Variants in RPTOR observed in about 807,000 individuals in gnomAD.
RPTOR encodes the protein regulatory-associated protein of mTOR.
RPTOR carries 21 observed loss-of-function variants against 169.9 expected under a neutral mutation model. The observed-to-expected ratio is 0.12, with a 90% CI of 0.09 to 0.18. The LOEUF (loss-of-function observed/expected upper bound fraction) is 0.18. Among genes scored for constraint, RPTOR ranks in the 10% least tolerant of loss-of-function variants. The pLI is 1.00. For synonymous variants in RPTOR, 732 were observed against 753.2 expected (o/e 0.97, Z 0.46); for missense variants, 1,133 against 1,855.9 (o/e 0.61, Z 7.16).
At chr17:80,741,240 T>G (rs564798339) in intron 5 of RPTOR, among the ~76,000 whole-genome samples, 11 of 152,276 alleles carry the variant, frequency 7.2e-5, no homozygotes, top group Non-Finnish European at 1.0e-4. Context: ...CTGGCTTGGC[T>G]AATGAGCAGA....
At chr17:80,608,118 A>G (rs961927534) in intron 1 of RPTOR, among the ~76,000 whole-genome samples, 1 of 152,204 alleles carries the variant, frequency 6.6e-6, no homozygotes, top group African/African-American at 2.4e-5. Context: ...TTTGATTTTG[A>G]GAGTGATAGA....
At chr17:80,604,713 C>T (rs1263071187) in intron 1 of RPTOR, among the ~76,000 whole-genome samples, 1 of 152,180 alleles carries the variant, frequency 6.6e-6, no homozygotes, top group African/African-American at 2.4e-5. Context: ...AGTCGCGTCT[C>T]ACATGGTGGC....
intron 7 of RPTOR, among the ~76,000 whole-genome samples, chr17:80,794,856 C>T (rs923890869): frequency 6.6e-6 from 1 of 152,094 alleles, no homozygotes; most frequent in African/African-American, 2.4e-5. Flanking sequence ...CTGGGAAAGA[C>T]AGAACATGGG....
intron 20 of RPTOR, among the ~76,000 whole-genome samples, chr17:80,908,093 C>T (rs931046029): frequency 2.0e-5 from 3 of 151,302 alleles, no homozygotes; most frequent in African/African-American, 7.3e-5. Flanking sequence ...ACCGAGCAGC[C>T]GCACCGACGA....
chr17:80,634,506 ACTGTGTGTGTGTGCG>A (rs2065478747), intron 2 of RPTOR, among the ~76,000 whole-genome samples: 1 of 102,900 alleles, frequency 9.7e-6, no homozygotes, highest in African/African-American at 4.5e-5. Context: ...GTGTGTGCAT[ACTGTGTGTGTGTGCG>A]TACTGTGTGC....
At chr17:80,597,816 G>GTT (rs35356192) in intron 1 of RPTOR, among the ~76,000 whole-genome samples, 1 of 151,210 alleles carries the variant, frequency 6.6e-6, no homozygotes, top group Non-Finnish European at 1.5e-5. Flanking sequence ...GCCTGGCCAT[G>GTT]TTTTTTTTGT....
At position 80,883,967 on chromosome 17, in the gene RPTOR, C is replaced by T. The variant is rs372325672; in HGVS notation, c.1837C>T (p.Pro613Ser). The T allele has an allele frequency of 4.4e-6, 7 of 1,607,930 alleles. No homozygotes were observed. The highest frequency in any genetic ancestry group is 1.3e-5 in the African/African-American group (1 of 74,980). Residue 613 changes from proline to serine, a missense_variant, in exon 16 of 34, where the codon CCC becomes TCC. Physicochemically the swap from Pro to Ser is moderately conservative, Grantham distance 74 (BLOSUM62 -1). Coordinates refer to ENST00000306801, the MANE Select transcript of RPTOR (RefSeq NM_020761.3). ...CTACAGCCTCCTCTCCGACCCCATT[C>T]CCGAGGTGAGTCAGGCGGGGGCTCA... The part of the protein sequence containing the change: ...KLYSLLSDPI[P>S]EVRCAAVFAL...
intron 3 of RPTOR, among the ~76,000 whole-genome samples, chr17:80,654,789 G>T (rs996140305): frequency 2.0e-5 from 3 of 152,156 alleles, no homozygotes; most frequent in Admixed American, 6.5e-5. Context: ...AGATAATCAG[G>T]GAGAAGTAAC....
intron 1 of RPTOR, among the ~76,000 whole-genome samples, chr17:80,585,187 ATTATTATTATTATTATTT>A (rs2065048656): frequency 7.6e-6 from 1 of 132,296 alleles, no homozygotes; most frequent in African/African-American, 3.9e-5. Flanking sequence ...TATTATTATT[ATTATTATTATTATTATTT>A]TTGTTTTTTT....
chr17:80,906,035 G>T (rs1277095512), intron 20 of RPTOR, among the ~76,000 whole-genome samples: 1 of 152,172 alleles, frequency 6.6e-6, no homozygotes, highest in Non-Finnish European at 1.5e-5. Flanking sequence ...AAGGGGAGTG[G>T]GTCTCAGGTG....
chr17:80,665,033 C>T (rs535406818), intron 3 of RPTOR, among the ~76,000 whole-genome samples: 4 of 152,254 alleles, frequency 2.6e-5, no homozygotes, highest in South Asian at 2.1e-4. Flanking sequence ...CCTTTCTTCC[C>T]TCTTTTTAAT....
chr17:80,642,952 A>G (rs893628866), intron 2 of RPTOR, among the ~76,000 whole-genome samples: 1 of 152,248 alleles, frequency 6.6e-6, no homozygotes, highest in Non-Finnish European at 1.5e-5. Flanking sequence ...TCTTCTACTA[A>G]ACTTTTTTGG....
chr17:80,911,700 C>T lies in RPTOR; in HGVS notation c.2520+2771C>T, dbSNP rs537816000. On this transcript the variant is annotated intron_variant, in intron 21 of 33. Coordinates refer to ENST00000306801, the MANE Select transcript of RPTOR (RefSeq NM_020761.3). ...CCCAGGAGGATGAGGCTGGAAGATC[C>T]CTTGAGCCCAGGAGCTCAAGGCTGC... Among the ~76,000 whole-genome samples the T allele has an allele frequency of 6.6e-5, 10 of 152,206 alleles. 1 individual carries two copies. The highest frequency in any genetic ancestry group is 4.8e-5 in the African/African-American group (2 of 41,516).
chr17:80,755,161 G>C (rs2066667841), intron 6 of RPTOR, among the ~76,000 whole-genome samples: 1 of 152,198 alleles, frequency 6.6e-6, no homozygotes, highest in Non-Finnish European at 1.5e-5. Flanking sequence ...CCAGACCCCA[G>C]GGCTGGGGGT....
chr17:80,582,812 G>A (rs1364830178), intron 1 of RPTOR, among the ~76,000 whole-genome samples: 1 of 151,962 alleles, frequency 6.6e-6, no homozygotes, highest in Non-Finnish European at 1.5e-5. Context: ...CCAAAGTGCT[G>A]GGATTACAGG....
chr17:80,893,547 G>A (rs1031059357), intron 19 of RPTOR, among the ~76,000 whole-genome samples, 160 bp from the exon 20 acceptor site: 1 of 150,312 alleles, frequency 6.7e-6, no homozygotes, highest in Non-Finnish European at 1.5e-5. Context: ...TACATGCCAG[G>A]GTGTGTGCGC....
chr17:80,702,754 T>A (rs1320184374), intron 3 of RPTOR, among the ~76,000 whole-genome samples: 1 of 152,198 alleles, frequency 6.6e-6, no homozygotes, highest in Non-Finnish European at 1.5e-5. Flanking sequence ...TGATGAATCC[T>A]TAATTTTATT....
Position 80,780,519 on chromosome 17 carries a change from G to A in RPTOR, c.831-10931G>A, listed in dbSNP as rs370584947. ...CTGACACCCTCTGACCCTCAGAGGC[G>A]GTCCGGGCTAGAAGGGGATTAGTGG... On this transcript the variant is annotated intron_variant, in intron 6 of 33. Coordinates refer to ENST00000306801, the MANE Select transcript of RPTOR (RefSeq NM_020761.3). Among the ~76,000 whole-genome samples, 12 of 152,298 alleles carry A rather than the reference G, an allele frequency of 7.9e-5. No homozygotes were observed. The South Asian group carries it at 2.1e-3, about 26-fold the overall frequency.
chr17:80,897,247 CAAA>C (rs5822374), intron 20 of RPTOR, among the ~76,000 whole-genome samples: 1 of 146,294 alleles, frequency 6.8e-6, no homozygotes, highest in African/African-American at 2.5e-5. Flanking sequence ...GACTCCATCT[CAAA>C]AAAAAAAAAA....
Sources: allele counts gnomAD v4.1 joint callset (sites outside exome capture counted in the v4.1 genomes callset), GRCh38; gene constraint gnomAD v4.1.1; transcripts MANE v1.5; gene names NCBI Gene and HGNC (gene_info 2026-07-23, HGNC 2026-07-21).